Variants in CLVS1 observed in about 807,000 individuals in gnomAD.
The protein encoded by CLVS1 is clavesin-1.
In CLVS1, 10 loss-of-function variants were observed where a neutral mutation model predicts 33.1. The ratio of observed to expected loss-of-function variants is 0.30; its 90% CI spans 0.19 to 0.51. The LOEUF (loss-of-function observed/expected upper bound fraction) is 0.51, where lower values mean the gene tolerates loss of function less well. CLVS1 is among the 20% of genes least tolerant of loss of function. The pLI is 0.97. For synonymous variants in CLVS1, 163 were observed against 166.1 expected, an observed-to-expected ratio of 0.98 and a Z score of 0.14; for missense variants, 343 against 433.4, an observed-to-expected ratio of 0.79 and a Z score of 1.85.
chr8:61,363,779 C>T (rs182722370), intron 2 of CLVS1, among the ~76,000 whole-genome samples: 1 of 152,250 alleles, frequency 6.6e-6, no homozygotes. Context: ...TGTGTTCTGA[C>T]CAGGGAACAA....
At chr8:61,320,809 G>T (rs908030415) in intron 2 of CLVS1, among the ~76,000 whole-genome samples, 1 of 152,104 alleles carries the variant, frequency 6.6e-6, no homozygotes, top group Non-Finnish European at 1.5e-5. Context: ...CACCTTGGGG[G>T]TTAGAATTTG....
chr8:61,224,470 C>T (rs1421357439), intron 2 of CLVS1, among the ~76,000 whole-genome samples: 4 of 152,074 alleles, frequency 2.6e-5, no homozygotes, highest in Non-Finnish European at 4.4e-5. Context: ...CACTTCAGGC[C>T]CTATTCATCT....
the CLVS1 span, among the ~76,000 whole-genome samples, chr8:61,037,350 C>T: frequency 1.3e-5 from 2 of 152,154 alleles, no homozygotes; most frequent in Non-Finnish European, 2.9e-5. Flanking sequence ...AATTTGACCG[C>T]TCCAGGTACC....
chr8:61,044,716 G>A, the CLVS1 span, among the ~76,000 whole-genome samples: 1 of 152,176 alleles, frequency 6.6e-6, no homozygotes, highest in East Asian at 1.9e-4. Flanking sequence ...ACATTGGGGT[G>A]CAAAATCCTT....
At chr8:61,176,518 A>T (rs913130419) in intron 2 of CLVS1, among the ~76,000 whole-genome samples, 56 of 151,668 alleles carry the variant, frequency 3.7e-4, no homozygotes, top group African/African-American at 1.1e-3. Flanking sequence ...TTTTTTTTTT[A>T]AATTTTAAAA....
At chr8:61,137,250 G>A (rs1806206979) in intron 2 of CLVS1, among the ~76,000 whole-genome samples, 1 of 152,172 alleles carries the variant, frequency 6.6e-6, no homozygotes, top group South Asian at 2.1e-4. Flanking sequence ...TCAGAGGTAG[G>A]AGGTGAGTAC....
At chr8:61,439,432 T>G (rs1211551169) in intron 3 of CLVS1, among the ~76,000 whole-genome samples, 1 of 152,212 alleles carries the variant, frequency 6.6e-6, no homozygotes, top group East Asian at 1.9e-4. Flanking sequence ...TTGTTTGAAC[T>G]CAGTTCTGCT....
intron 2 of CLVS1, among the ~76,000 whole-genome samples, chr8:61,281,424 G>A (rs1167180813): frequency 1.3e-5 from 2 of 152,160 alleles, no homozygotes; most frequent in African/African-American, 4.8e-5. Context: ...ATCCTCATAA[G>A]AAGAGAAAGA....
intron 2 of CLVS1, among the ~76,000 whole-genome samples, chr8:61,375,947 G>T (rs779379337): frequency 4.5e-4 from 69 of 152,174 alleles, no homozygotes; most frequent in Non-Finnish European, 9.1e-4. Flanking sequence ...TTTGTATTCA[G>T]GTCTGCCTGT....
chr8:61,389,659 A>G (rs994799860), intron 3 of CLVS1, among the ~76,000 whole-genome samples: 2 of 152,262 alleles, frequency 1.3e-5, no homozygotes, highest in Non-Finnish European at 2.9e-5. Flanking sequence ...GTATCTTAGT[A>G]GCTCTGAGAG....
At chr8:61,099,368 A>G (rs1805408500) in intron 1 of CLVS1, among the ~76,000 whole-genome samples, 1 of 149,494 alleles carries the variant, frequency 6.7e-6, no homozygotes, top group African/African-American at 2.5e-5. Context: ...GGAAGCCAGG[A>G]CTCTTCTTGG....
chr8:61,416,307 T>C, intron 3 of CLVS1, among the ~76,000 whole-genome samples: 1 of 100,862 alleles, frequency 9.9e-6, no homozygotes, highest in Admixed American at 8.7e-5. Flanking sequence ...GCTAGCTAGA[T>C]ACATACATAC....
chr8:61,464,740 C>T (rs1234951097), intron 5 of CLVS1: 1 of 152,258 alleles, frequency 6.6e-6, no homozygotes, highest in Non-Finnish European at 1.5e-5. Context: ...ACCATGGCCA[C>T]AAGGATGTCC....
chr8:61,499,410 C>T, intron 5 of CLVS1, 45 bp from the exon 6 acceptor site: 2 of 1,400,182 alleles, frequency 1.4e-6, no homozygotes, highest in East Asian at 2.3e-5. Context: ...AAATTGTCAC[C>T]ATGAATTGTT....
At chr8:61,017,250 T>C in the CLVS1 span, among the ~76,000 whole-genome samples, 1 of 152,248 alleles carries the variant, frequency 6.6e-6, no homozygotes, top group Non-Finnish European at 1.5e-5. Context: ...TTGATTTTTA[T>C]ACCCGTGGGT....
intron 3 of CLVS1, among the ~76,000 whole-genome samples, chr8:61,409,786 T>C (rs1168504595): frequency 1.3e-5 from 2 of 152,192 alleles, no homozygotes. Flanking sequence ...ACTTACCCAA[T>C]AGAATGTTTC....
chr8:61,369,230 T>C (rs1813334891), intron 2 of CLVS1, among the ~76,000 whole-genome samples: 1 of 152,234 alleles, frequency 6.6e-6, no homozygotes, highest in Non-Finnish European at 1.5e-5. Context: ...TAATACAACA[T>C]TTTGCTAATA....
intron 2 of CLVS1, among the ~76,000 whole-genome samples, chr8:61,251,129 T>G (rs1312714914): frequency 6.6e-6 from 1 of 152,226 alleles, no homozygotes; most frequent in East Asian, 1.9e-4. Context: ...TATGAAGGGC[T>G]GTTAAATTTT....
At chr8:61,180,652 G>C (rs1043395987) in intron 2 of CLVS1, among the ~76,000 whole-genome samples, 1 of 152,110 alleles carries the variant, frequency 6.6e-6, no homozygotes, top group East Asian at 1.9e-4. Flanking sequence ...TGATCAAGAT[G>C]GTTTCATCCC....
Sources: allele counts gnomAD v4.1 joint callset (sites outside exome capture counted in the v4.1 genomes callset), GRCh38; gene constraint gnomAD v4.1.1; transcripts MANE v1.5; gene names NCBI Gene and HGNC (gene_info 2026-07-23, HGNC 2026-07-21).